The following PTPRD variants were observed in gnomAD, a reference collection of about 807,000 sequenced individuals.
PTPRD encodes the protein protein tyrosine phosphatase receptor type D, also known as receptor-type tyrosine-protein phosphatase delta.
In PTPRD, 34 loss-of-function variants were observed where a neutral mutation model predicts 214.5. That is an observed-to-expected ratio of 0.16 (90% CI 0.12 to 0.21). The LOEUF is 0.21. PTPRD is among the 10% of genes least tolerant of loss of function. The pLI, the probability that PTPRD is intolerant of heterozygous loss-of-function variation, is 1.00. For synonymous variants in PTPRD, 1,128 were observed against 845.7 expected (o/e 1.33, Z -5.79); for missense variants, 2,545 against 2,398.7 (o/e 1.06, Z -1.27).
At chr9:10,268,060 T>G (rs2094184642) in intron 3 of PTPRD, among the ~76,000 whole-genome samples, 1 of 151,406 alleles carries the variant, frequency 6.6e-6, no homozygotes, top group South Asian at 2.1e-4. Context: ...GCAGAATTGT[T>G]GGAGGCTAGG....
Position 10,511,954 on chromosome 9 carries a change from G to A in PTPRD, c.-600+100444C>T, listed in dbSNP as rs867521092. On this transcript the variant is annotated intron_variant, in intron 2 of 45. Transcript: ENST00000381196. ...TACGTGTATATATATATACGTGTGTGTATATATATATACGTGTGTGTGTAT... is the reference window on the plus strand; with the variant it reads ...TACGTGTATATATATATACGTGTGTATATATATATATACGTGTGTGTGTAT... Among the ~76,000 whole-genome samples, 412 of 64,934 alleles carry A rather than the reference G, an allele frequency of 6.3e-3. 7 individuals carry two copies. The highest frequency in any genetic ancestry group is 0.02 in the Middle Eastern group (2 of 100). 42.6% of individuals were successfully genotyped at this position (64,934 alleles called of 152,430 possible).
intron 5 of PTPRD, among the ~76,000 whole-genome samples, chr9:9,797,652 C>T (rs563751765): frequency 4.7e-4 from 72 of 151,980 alleles, no homozygotes; most frequent in Non-Finnish European, 9.4e-4. Context: ...TCAAGTCCAG[C>T]CTGACCAATA....
intron 8 of PTPRD, among the ~76,000 whole-genome samples, chr9:9,416,262 A>C (rs1443719777): frequency 6.6e-6 from 1 of 152,140 alleles, no homozygotes; most frequent in Non-Finnish European, 1.5e-5. Context: ...TAAAATGAAA[A>C]TCTGATCGTC....
chr9:8,829,368 A>G (rs2097239751), intron 11 of PTPRD, among the ~76,000 whole-genome samples: 1 of 152,210 alleles, frequency 6.6e-6, no homozygotes, highest in Admixed American at 6.5e-5. Context: ...AAAAAATCAC[A>G]GAGGGAATCA....
intron 2 of PTPRD, among the ~76,000 whole-genome samples, chr9:10,399,724 G>A (rs577727435): frequency 6.6e-6 from 1 of 151,978 alleles, no homozygotes; most frequent in East Asian, 2.0e-4. Context: ...GAATATTTAG[G>A]CATATGATAT....
At chr9:10,078,586 G>T (rs1156822439) in intron 3 of PTPRD, among the ~76,000 whole-genome samples, 1 of 150,112 alleles carries the variant, frequency 6.7e-6, no homozygotes, top group Non-Finnish European at 1.5e-5. Context: ...CTCATTGTTG[G>T]CATCATTAAA....
chr9:9,213,658 A>G (rs766361225), intron 9 of PTPRD, among the ~76,000 whole-genome samples: 9 of 152,192 alleles, frequency 5.9e-5, no homozygotes, highest in Non-Finnish European at 1.2e-4. Context: ...CACATTATGC[A>G]AAAGGCACAG....
intron 9 of PTPRD, among the ~76,000 whole-genome samples, chr9:9,245,643 T>G (rs1199377191): frequency 6.6e-6 from 1 of 152,002 alleles, no homozygotes; most frequent in Non-Finnish European, 1.5e-5. Context: ...GGGGGAGGGA[T>G]AGCATTAGGA....
intron 3 of PTPRD, among the ~76,000 whole-genome samples, chr9:10,157,313 T>A (rs1307025269): frequency 6.6e-6 from 1 of 152,226 alleles, no homozygotes; most frequent in Non-Finnish European, 1.5e-5. Flanking sequence ...GGAGCTCTTG[T>A]AAGGCTGGTC....
intron 5 of PTPRD, among the ~76,000 whole-genome samples, chr9:9,918,351 TAA>T (rs3050147): frequency 0.011 from 1,155 of 101,922 alleles, 15 homozygotes; most frequent in African/African-American, 0.029. Context: ...ACCAAAGAGG[TAA>T]AAAAAAAAAA....
In PTPRD at chr9:8,315,214, AG is replaced by A. The variant is rs1202304101; in HGVS notation, c.*2659del. On this transcript the variant is annotated 3_prime_UTR_variant, in exon 46 of 46. Coordinates refer to ENST00000381196, the MANE Select transcript of PTPRD (RefSeq NM_002839.4). ...CAATGACAGTAAGGGAGTTAGTTCTAGGAACAGCTCCTGAACAGTAAGATTC... is the reference window on the plus strand; with the variant it reads ...CAATGACAGTAAGGGAGTTAGTTCTAGAACAGCTCCTGAACAGTAAGATTC... 3 of 232,640 alleles carry A rather than the reference AG, an allele frequency of 1.3e-5. No individual in the cohort carries two copies. Among genetic ancestry groups the A allele is most frequent in the Non-Finnish European group, 2.6e-5 (3 of 117,426 alleles). 14.4% of individuals were successfully genotyped at this position (232,640 alleles called of 1,614,324 possible).
At chr9:8,849,813 T>G (rs894196591) in intron 11 of PTPRD, among the ~76,000 whole-genome samples, 1 of 152,162 alleles carries the variant, frequency 6.6e-6, no homozygotes, top group Non-Finnish European at 1.5e-5. Flanking sequence ...CTCTGATGGC[T>G]GTGTTGAGTA....
At position 8,471,700 on chromosome 9, in the gene PTPRD, G is replaced by T. The variant is rs545051272; in HGVS notation, c.3414-615C>A. Among the ~76,000 whole-genome samples the T allele has an allele frequency of 5.1e-4, 78 of 152,072 alleles. No individual in the cohort carries two copies. The Middle Eastern group carries it at 0.01, about 20-fold the overall frequency. On this transcript the variant is annotated intron_variant, in intron 30 of 45. Transcript: ENST00000381196. ...AAAATTGGAGAAAATCACGACTTAA[G>T]GGCCTTCAAAACAGCTATCACTATA...
At chr9:10,531,683 C>T (rs1025634777) in intron 2 of PTPRD, among the ~76,000 whole-genome samples, 1 of 152,124 alleles carries the variant, frequency 6.6e-6, no homozygotes, top group Non-Finnish European at 1.5e-5. Flanking sequence ...TGCATGTATG[C>T]ATTTTGTGTC....
intron 8 of PTPRD, among the ~76,000 whole-genome samples, chr9:9,506,709 T>C (rs1008493725): frequency 2.0e-5 from 3 of 151,400 alleles, no homozygotes; most frequent in Admixed American, 6.6e-5. Context: ...CCATATATTT[T>C]AGTGGAAAAG....
intron 39 of PTPRD, among the ~76,000 whole-genome samples, chr9:8,361,292 G>A (rs1348742185): frequency 2.0e-5 from 3 of 152,160 alleles, no homozygotes; most frequent in African/African-American, 7.2e-5. Flanking sequence ...AGGCAGTGGT[G>A]GAGGCTTTGA....
At chr9:9,439,069 T>A (rs1341553893) in intron 8 of PTPRD, among the ~76,000 whole-genome samples, 1 of 152,128 alleles carries the variant, frequency 6.6e-6, no homozygotes, top group Non-Finnish European at 1.5e-5. Context: ...CTCATCTCAT[T>A]CTCTTCTTCC....
chr9:9,936,564 G>C (rs1273965109), intron 5 of PTPRD, among the ~76,000 whole-genome samples: 1 of 138,702 alleles, frequency 7.2e-6, no homozygotes, highest in Non-Finnish European at 1.5e-5. Flanking sequence ...TCATTAAAAA[G>C]TCAGTAAACA....
At chr9:8,824,812 C>A (rs1465055171) in intron 11 of PTPRD, among the ~76,000 whole-genome samples, 1 of 151,984 alleles carries the variant, frequency 6.6e-6, no homozygotes, top group East Asian at 1.9e-4. Context: ...GCTGAAATTG[C>A]AGAAATAAGC....
Sources: allele counts gnomAD v4.1 joint callset (sites outside exome capture counted in the v4.1 genomes callset), GRCh38; gene constraint gnomAD v4.1.1; transcripts MANE v1.5; gene names NCBI Gene and HGNC (gene_info 2026-07-23, HGNC 2026-07-21).